CACNA1B: variants seen among roughly 807,000 people sequenced by gnomAD.
CACNA1B encodes the protein voltage-dependent N-type calcium channel subunit alpha-1B.
Under a neutral mutation model 247.2 loss-of-function variants are expected in CACNA1B, and 70 were observed. That is an observed-to-expected ratio of 0.28 (90% CI 0.23 to 0.35). CACNA1B has a LOEUF of 0.35. CACNA1B is among the 10% of genes least tolerant of loss of function. CACNA1B has a pLI of 1.00. For missense variants in CACNA1B, 2,367 were observed against 3,197.4 expected, an observed-to-expected ratio of 0.74 and a Z score of 6.26; for synonymous variants, 1,231 against 1,294.4, an observed-to-expected ratio of 0.95 and a Z score of 1.05.
intron 20 of CACNA1B, 118 bp downstream of exon 20, chr9:138,025,290 C>T (rs761703408): frequency 7.1e-5 from 48 of 676,012 alleles, no homozygotes; most frequent in Non-Finnish European, 1.2e-4. Flanking sequence ...GAATTGTTCT[C>T]CTGGCTGGAG....
intron 20 of CACNA1B, chr9:138,032,592 T>G (rs1478041679): frequency 6.9e-6 from 3 of 435,118 alleles, no homozygotes; most frequent in Non-Finnish European, 1.4e-5. Flanking sequence ...TAGTTTTCCT[T>G]CATCTGAGAA....
Position 138,013,068 on chromosome 9 carries a change from C to G in CACNA1B, c.2161-61C>G. On this transcript the variant is annotated intron_variant, in intron 17 of 46. Coordinates refer to ENST00000371372, the MANE Select transcript of CACNA1B (RefSeq NM_000718.4). ...GAGGAAGAGCTGATGTTATATATAG[C>G]CAGTGTTAGAGTGGCTATAACACTG... 5 of 1,174,922 alleles carry G rather than the reference C, an allele frequency of 4.3e-6. No homozygotes were observed. In the South Asian group the frequency reaches 6.3e-5, roughly 15 times the overall value. 72.8% of individuals were successfully genotyped at this position (1,174,922 alleles called of 1,614,324 possible). A position where few individuals can be genotyped will look rare whatever the true frequency, so the allele number is the denominator to read the frequency against.
chr9:137,980,123 A>G (rs1019652781), intron 12 of CACNA1B, among the ~76,000 whole-genome samples: 7 of 152,194 alleles, frequency 4.6e-5, no homozygotes, highest in African/African-American at 1.7e-4. Flanking sequence ...TGGGAATCTA[A>G]AGACCTATTT....
intron 26 of CACNA1B, among the ~76,000 whole-genome samples, chr9:138,055,182 A>G (rs1358712859): frequency 6.7e-6 from 1 of 148,918 alleles, no homozygotes; most frequent in Admixed American, 6.7e-5. Context: ...GCTGGAGTGC[A>G]GTGCTGCTAT....
chr9:137,953,588 C>T (rs948745046), intron 7 of CACNA1B, among the ~76,000 whole-genome samples: 2 of 152,186 alleles, frequency 1.3e-5, no homozygotes, highest in Non-Finnish European at 2.9e-5. Flanking sequence ...AAATAGAACT[C>T]CTAGCCTGGC....
rs574955548 is a variant in CACNA1B, at chr9:138,020,377, A to G, written c.2268-2634A>G. On this transcript the variant is annotated intron_variant, in intron 18 of 46. Transcript: ENST00000371372. This position sits in a 1 kb window ranked among gnomAD's most constrained non-coding sequence, Gnocchi z 4.1. ...TGACTTCCTTAAAGAACCCTTTTAA[A>G]CCAGGACTTTGCCTGGATTAATCAC... Among the ~76,000 whole-genome samples the G allele has an allele frequency of 6.6e-6, 1 of 152,284 alleles. No individual in the cohort carries two copies. Among genetic ancestry groups the G allele is most frequent in the South Asian group, 2.1e-4 (1 of 4,824 alleles).
chr9:138,059,086 A>C lies in CACNA1B; in HGVS notation c.4481A>C (p.Asp1494Ala), dbSNP rs971630607. 1.2e-6 allele frequency: 2 copies of C among 1,607,140 alleles called. No individual in the cohort carries two copies. The highest frequency in any genetic ancestry group is 1.3e-5 in the African/African-American group (1 of 74,874). The change falls in exon 30 of 47, where the codon GAT becomes GCT. Residue 1494 changes from aspartate (D) to alanine (A), a missense_variant. Around this residue, in one of 12 missense-constraint regions of CACNA1B, gnomAD observed 436 missense variants for 679.5 expected, o/e 0.64. Coordinates refer to ENST00000371372, the MANE Select transcript of CACNA1B (RefSeq NM_000718.4). The surrounding 1 kb of genome is among the most constrained non-coding windows in gnomAD (Gnocchi z 4.2). Reference protein sequence around the residue: ...NTVVLMMKFYDAPYEYELMLK... With the variant: ...NTVVLMMKFYAAPYEYELMLK... ...TGCCTATTCCCCGGGCAGTTCTATG[A>C]TGCACCCTATGAGTACGAGCTGATG...
intron 36 of CACNA1B, among the ~76,000 whole-genome samples, chr9:138,094,935 C>G (rs191839862): frequency 8.5e-5 from 13 of 152,242 alleles, no homozygotes; most frequent in African/African-American, 3.1e-4. Context: ...GGTTGGACCT[C>G]TACCTCACTC....
At chr9:138,077,289 T>C (rs1298784938) in intron 35 of CACNA1B, among the ~76,000 whole-genome samples, 4 of 152,258 alleles carry the variant, frequency 2.6e-5, no homozygotes, top group Non-Finnish European at 5.9e-5. Context: ...AAGCCCCCGG[T>C]GCTGGCTGTG....
Position 138,120,871 on chromosome 9 carries a change from C to G in CACNA1B, c.6479C>G (p.Pro2160Arg). The change falls in exon 46 of 47, where the codon CCC (proline) becomes CGC (arginine). Residue 2160 changes from proline to arginine, a missense_variant. Physicochemically the swap from Pro to Arg is moderately radical, Grantham distance 103. This residue lies in a region of CACNA1B where 773 missense variants were observed against 779.4 expected (regional missense o/e 0.99). Coordinates refer to ENST00000371372, the MANE Select transcript of CACNA1B (RefSeq NM_000718.4). ...TSPTAGQEPG[P>R]HPQGSGSVNG... ...CCAACAGCTGGCCAGGAGCCGGGAC[C>G]CCACCCACAGGTAAGAGGAATAGGT... The G allele has an allele frequency of 6.4e-7, 1 of 1,570,520 alleles. No homozygotes were observed. The highest frequency in any genetic ancestry group is 1.4e-5 in the African/African-American group (1 of 73,798).
chr9:137,952,152 C>T lies in CACNA1B; in HGVS notation c.967-122C>T, dbSNP rs933654040. The T allele has an allele frequency of 4.1e-6, 3 of 727,732 alleles. No individual in the cohort carries two copies. The highest frequency in any genetic ancestry group is 3.5e-5 in the African/African-American group (2 of 57,694). The allele number at this position is 727,732 out of a possible 1,614,324, so 45.1% of individuals were successfully genotyped here. A position where few individuals can be genotyped will look rare whatever the true frequency, so the allele number is the denominator to read the frequency against. ...GACCTCCCTGTGACTGGCCTCCCCA[C>T]TGCCTGGACCCTACCAGGTGTGTGC... On this transcript the variant is annotated intron_variant, in intron 6 of 46. Coordinates refer to ENST00000371372, the MANE Select transcript of CACNA1B (RefSeq NM_000718.4). The surrounding 1 kb of genome is among the most constrained non-coding windows in gnomAD (Gnocchi z 4.8).
At chr9:137,975,485 T>G (rs1200493643) in intron 11 of CACNA1B, among the ~76,000 whole-genome samples, 2 of 152,064 alleles carry the variant, frequency 1.3e-5, no homozygotes, top group Non-Finnish European at 2.9e-5. Flanking sequence ...CGGTCAGAGA[T>G]TGGGGTGAGG....
rs1956913664 is a variant in CACNA1B, at chr9:137,881,230, G to A, written c.391-1514G>A. ...CCCTCCTAAACAAATCAGACCAGAAGGCTCGAGGCCAGGAAGAGCATGGGC... is the reference window on the plus strand; with the variant it reads ...CCCTCCTAAACAAATCAGACCAGAAAGCTCGAGGCCAGGAAGAGCATGGGC... On this transcript the variant is annotated intron_variant, in intron 2 of 46. Transcript: ENST00000371372. This position sits in a 1 kb window ranked among gnomAD's most constrained non-coding sequence, Gnocchi z 4.3. 6.6e-6 allele frequency among the ~76,000 whole-genome samples: 1 copy of A among 152,176 alleles called. No homozygotes were observed. The highest frequency in any genetic ancestry group is 1.5e-5 in the Non-Finnish European group (1 of 68,020).
At chr9:138,079,742 CAAAAAAAAAAA>C (rs141292393) in intron 36 of CACNA1B, among the ~76,000 whole-genome samples, 3 of 41,828 alleles carry the variant, frequency 7.2e-5, no homozygotes, top group Non-Finnish European at 1.4e-4. Flanking sequence ...GACTCCATCT[CAAAAAAAAAAA>C]AAAAAAAAAA....
rs1554762787 is a variant in CACNA1B at position 138,122,829 on chromosome 9, C to T, written c.*830C>T. 1 of 152,272 alleles carries T rather than the reference C, an allele frequency of 6.6e-6. No homozygotes were observed. The highest frequency in any genetic ancestry group is 1.5e-5 in the Non-Finnish European group (1 of 68,062). The allele number at this position is 152,272 out of a possible 1,614,324, so 9.4% of individuals were successfully genotyped here. A position where few individuals can be genotyped will look rare whatever the true frequency, so the allele number is the denominator to read the frequency against. On this transcript the variant is annotated 3_prime_UTR_variant, in exon 47 of 47. Coordinates refer to ENST00000371372, the MANE Select transcript of CACNA1B (RefSeq NM_000718.4). ...TGCTCTTGACCAAGTGCCTGACCGC[C>T]AGGCCCTCACACCCAGGCTCCTGGG...
intron 39 of CACNA1B, among the ~76,000 whole-genome samples, chr9:138,107,271 G>A (rs889584892): frequency 1.9e-5 from 2 of 106,326 alleles, no homozygotes; most frequent in African/African-American, 3.4e-5. Context: ...TATTTATATA[G>A]GGTCTCACTG....
At chr9:138,091,314 CAT>C (rs1189757817) in intron 36 of CACNA1B, among the ~76,000 whole-genome samples, 2 of 152,070 alleles carry the variant, frequency 1.3e-5, no homozygotes, top group Non-Finnish European at 2.9e-5. Flanking sequence ...TGTTCTCACT[CAT>C]ATGTGGAAGC....
At chr9:138,000,444 C>T (rs1485609082) in intron 15 of CACNA1B, among the ~76,000 whole-genome samples, 1 of 151,986 alleles carries the variant, frequency 6.6e-6, no homozygotes, top group Non-Finnish European at 1.5e-5. Context: ...TAAATTAGCT[C>T]AAGAAGAAAT....
chr9:138,044,979 G>A (rs761849225), intron 21 of CACNA1B, among the ~76,000 whole-genome samples: 2 of 152,224 alleles, frequency 1.3e-5, no homozygotes, highest in South Asian at 2.1e-4. Flanking sequence ...GTGGTAACCC[G>A]GTGTGGAAAT....
Sources: allele counts gnomAD v4.1 joint callset (sites outside exome capture counted in the v4.1 genomes callset), GRCh38; gene constraint gnomAD v4.1.1; regional missense constraint gnomAD v4.1.1; non-coding constraint Gnocchi (gnomAD v3.1); transcripts MANE v1.5; gene names NCBI Gene and HGNC (gene_info 2026-07-23, HGNC 2026-07-21).